The following OR4B1 variants were observed in gnomAD, a reference collection of about 807,000 sequenced individuals.
OR4B1 encodes olfactory receptor 4B1.
For synonymous variants in OR4B1, 196 were observed against 141.2 expected (o/e 1.39, Z -2.75); for missense variants, 520 against 370.7 (o/e 1.40, Z -3.31).
Position 48,217,652 on chromosome 11 carries a change from C to T in OR4B1, c.843C>T (p.Asn281=). The T allele has an allele frequency of 1.2e-6, 2 of 1,609,348 alleles. No individual in the cohort carries two copies. Among genetic ancestry groups the T allele is most frequent in the Non-Finnish European group, 1.7e-6 (2 of 1,179,966 alleles). ...VFYTVITPML[N]PIIYTLRNAE... ...ACACGGTCATCACCCCCATGCTGAA[C>T]CCCATCATTTACACACTCAGGAATG... Residue 281 remains asparagine, a synonymous_variant, in exon 1 of 1, where the codon AAC becomes AAT. Coordinates refer to ENST00000309562, the MANE Select transcript of OR4B1 (RefSeq NM_001005470.1).
chr11:48,217,736 G>T lies in OR4B1; in HGVS notation c.927G>T (p.Glu309Asp). ...LWSKKENPGR[E>D] ...GCAAAAAGGAGAATCCAGGGAGGGA[G>T]TGAAAAAAGAGCTTAGGGATGAAAA... Residue 309 changes from glutamate to aspartate, a missense_variant, in exon 1 of 1, where the codon GAG (glutamate) becomes GAT (aspartate). Glu to Asp is a conservative substitution (Grantham distance 45). Coordinates refer to ENST00000309562, the MANE Select transcript of OR4B1 (RefSeq NM_001005470.1). 6.3e-7 allele frequency: 1 copy of T among 1,582,608 alleles called. No individual in the cohort carries two copies. Among genetic ancestry groups the T allele is most frequent in the Non-Finnish European group, 8.5e-7 (1 of 1,170,008 alleles).
Position 48,217,325 on chromosome 11 carries a change from T to A in OR4B1, c.516T>A (p.Ile172=). 1 of 1,614,206 alleles carries A rather than the reference T, an allele frequency of 6.2e-7. No homozygotes were observed. The highest frequency in any genetic ancestry group is 8.5e-7 in the Non-Finnish European group (1 of 1,180,026). Residue 172 remains isoleucine (I), a synonymous_variant, in exon 1 of 1, where the codon ATT becomes ATA. Coordinates refer to ENST00000309562, the MANE Select transcript of OR4B1 (RefSeq NM_001005470.1). The part of the protein sequence containing the change: ...IQLPFCGPNV[I]DHYFCDLQPL... ...TGCCCTTCTGTGGTCCCAATGTGAT[T>A]GACCACTATTTCTGTGACCTCCAGC...
Position 48,216,868 on chromosome 11 carries a change from C to A in OR4B1, c.59C>A (p.Ala20Asp). ...TTCACTGGCCTTTTCCAGGATCCAG[C>A]TGTGCAGAGTGTATGCTTTGTGGTG... ...LIFTGLFQDP[A>D]VQSVCFVVFL... Residue 20 changes from alanine to aspartate, a missense_variant, in exon 1 of 1, where the codon GCT becomes GAT. Ala to Asp is a moderately radical substitution (Grantham distance 126, BLOSUM62 -2). Coordinates refer to ENST00000309562, the MANE Select transcript of OR4B1 (RefSeq NM_001005470.1). 1 of 1,613,906 alleles carries A rather than the reference C, an allele frequency of 6.2e-7. No individual in the cohort carries two copies. Among genetic ancestry groups the A allele is most frequent in the Non-Finnish European group, 8.5e-7 (1 of 1,179,882 alleles).
In OR4B1 at chr11:48,217,168, G is replaced by A. The variant is rs756452658; in HGVS notation, c.359G>A (p.Cys120Tyr). ...ILLIVVMAYDCYVAICKPLHY... is the reference protein window; with the variant it reads ...ILLIVVMAYDYYVAICKPLHY... ...TTGATTGTGGTGATGGCCTATGATT[G>A]CTACGTGGCCATTTGCAAGCCTCTT... Residue 120 changes from cysteine to tyrosine, a missense_variant, in exon 1 of 1, where the codon TGC (cysteine) becomes TAC (tyrosine). By Grantham distance (194) the Cys-to-Tyr change is radical. Coordinates refer to ENST00000309562, the MANE Select transcript of OR4B1 (RefSeq NM_001005470.1). 3.1e-6 allele frequency: 5 copies of A among 1,613,948 alleles called. No homozygotes were observed. In the African/African-American group the frequency reaches 6.7e-5, roughly 22 times the overall value.
In OR4B1 at chr11:48,217,626, T is replaced by C. The variant is rs571700970; in HGVS notation, c.817T>C (p.Tyr273His). Reference protein sequence around the residue: ...FTEDKLVAVFYTVITPMLNPI... With the variant: ...FTEDKLVAVFHTVITPMLNPI... ...TGAAGATAAACTTGTGGCTGTATTC[T>C]ACACGGTCATCACCCCCATGCTGAA... Residue 273 changes from tyrosine (Y) to histidine (H), a missense_variant, in exon 1 of 1, where the codon TAC becomes CAC. By Grantham distance (83) the Tyr-to-His change is moderately conservative. Transcript: ENST00000309562. 1.9e-6 allele frequency: 3 copies of C among 1,612,710 alleles called. No individual in the cohort carries two copies. The highest frequency in any genetic ancestry group is 1.3e-5 in the African/African-American group (1 of 75,056).
rs750620521 is a variant in OR4B1 at position 48,217,367 on chromosome 11, C to T, written c.558C>T (p.Ala186=). The T allele has an allele frequency of 7.4e-6, 12 of 1,614,012 alleles. No individual in the cohort carries two copies. The highest frequency in any genetic ancestry group is 1.6e-4 in the Middle Eastern group (1 of 6,084). The change falls in exon 1 of 1, where the codon GCC becomes GCT. Residue 186 remains alanine (A), a synonymous_variant. Coordinates refer to ENST00000309562, the MANE Select transcript of OR4B1 (RefSeq NM_001005470.1). Reference sequence around the variant, plus strand: ...ACCTCCAGCCTTTATTCAAGCTTGCCTGCACTGACACCTTCATGGAGGGGG... The same window carrying T: ...ACCTCCAGCCTTTATTCAAGCTTGCTTGCACTGACACCTTCATGGAGGGGG... ...FCDLQPLFKL[A]CTDTFMEGVI...
At position 48,217,637 on chromosome 11, in the gene OR4B1, CA is replaced by C. The variant is rs1858652086; in HGVS notation, c.829del (p.Thr277ProfsTer4). Reference protein sequence around the residue: ...KLVAVFYTVITPMLNPIIYTL... With the variant: ...KLVAVFYTVIXPMLNPIIYTL... Reference sequence around the variant, plus strand: ...TTGTGGCTGTATTCTACACGGTCATCACCCCCATGCTGAACCCCATCATTTA... The same window carrying C: ...TTGTGGCTGTATTCTACACGGTCATCCCCCCATGCTGAACCCCATCATTTA... On this transcript the variant is annotated frameshift_variant, in exon 1 of 1. Transcript: ENST00000309562. LOFTEE classifies it low-confidence loss of function (END_TRUNC). 1 of 1,611,190 alleles carries C rather than the reference CA, an allele frequency of 6.2e-7. No homozygotes were observed. The highest frequency in any genetic ancestry group is 8.5e-7 in the Non-Finnish European group (1 of 1,180,000).
chr11:48,217,258 G>T lies in OR4B1; in HGVS notation c.449G>T (p.Gly150Val). 1.2e-6 allele frequency: 2 copies of T among 1,614,100 alleles called. No homozygotes were observed. The highest frequency in any genetic ancestry group is 2.2e-5 in the South Asian group (2 of 91,080). ...HLLVAGSWLG[G>V]FCHSIIQILV... ...CTGGTGGCTGGTTCCTGGCTGGGGG[G>T]CTTTTGTCACTCCATAATTCAGATT... Residue 150 changes from glycine to valine, a missense_variant, in exon 1 of 1, where the codon GGC becomes GTC. Transcript: ENST00000309562.
In OR4B1 at chr11:48,217,068, AT is replaced by A. The variant is rs752935858; in HGVS notation, c.261del (p.Thr89ProfsTer8). 2.5e-6 allele frequency: 4 copies of A among 1,614,136 alleles called. No individual in the cohort carries two copies. The highest frequency in any genetic ancestry group is 3.4e-6 in the Non-Finnish European group (4 of 1,180,008). ...PKFIIDLLAKIKTISLEGCLT... is the reference protein window; with the variant it reads ...PKFIIDLLAKXKTISLEGCLT... The stretch of plus-strand genomic sequence containing the variant: ...ATTCATCATAGACTTACTTGCCAAG[AT>A]TAAAACCATCTCTCTGGAAGGCTGT... On this transcript the variant is annotated frameshift_variant, in exon 1 of 1. Transcript: ENST00000309562. LOFTEE classifies it low-confidence loss of function (END_TRUNC).
In OR4B1 at chr11:48,217,555, T is replaced by A; in HGVS notation, c.746T>A (p.Phe249Tyr). The part of the protein sequence containing the change: ...ASHITVVILF[F>Y]GPAIFLYMRP... The stretch of plus-strand genomic sequence containing the variant: ...CACATCACAGTGGTCATCTTGTTTT[T>A]TGGACCTGCTATCTTCCTCTACATG... The change falls in exon 1 of 1, where the codon TTT becomes TAT. Residue 249 changes from phenylalanine (F) to tyrosine (Y), a missense_variant. By Grantham distance (22) the Phe-to-Tyr change is conservative. Transcript: ENST00000309562. The A allele has an allele frequency of 6.2e-7, 1 of 1,614,218 alleles. No homozygotes were observed. Among genetic ancestry groups the A allele is most frequent in the Non-Finnish European group, 8.5e-7 (1 of 1,180,038 alleles).
rs756439698 is a variant in OR4B1 at position 48,217,392 on chromosome 11, G to T, written c.583G>T (p.Val195Phe). 69 of 1,614,064 alleles carry T rather than the reference G, an allele frequency of 4.3e-5. No homozygotes were observed. The highest frequency in any genetic ancestry group is 1.6e-4 in the East Asian group (7 of 44,872). The stretch of plus-strand genomic sequence containing the variant: ...CTGCACTGACACCTTCATGGAGGGG[G>T]TTATTGTGTTGGCCAACAGTGGATT... Reference protein sequence around the residue: ...LACTDTFMEGVIVLANSGLFS... With the variant: ...LACTDTFMEGFIVLANSGLFS... Residue 195 changes from valine (V) to phenylalanine (F), a missense_variant, in exon 1 of 1, where the codon GTT (valine) becomes TTT (phenylalanine). By Grantham distance (50) the Val-to-Phe change is conservative (BLOSUM62 -1). Coordinates refer to ENST00000309562, the MANE Select transcript of OR4B1 (RefSeq NM_001005470.1).
Position 48,217,466 on chromosome 11 carries a change from T to A in OR4B1, c.657T>A (p.Ile219=), listed in dbSNP as rs751120264. 7 of 1,614,122 alleles carry A rather than the reference T, an allele frequency of 4.3e-6. No homozygotes were observed. The highest frequency in any genetic ancestry group is 5.9e-6 in the Non-Finnish European group (7 of 1,180,014). ...TCTTGGTGTCCTCTTATATTGTCAT[T>A]CTGGTCAACTTGAGGAACCATTCTG... The part of the protein sequence containing the change: ...FLILVSSYIV[I]LVNLRNHSAE... The change falls in exon 1 of 1, where the codon ATT becomes ATA. Residue 219 remains isoleucine (I), a synonymous_variant. Coordinates refer to ENST00000309562, the MANE Select transcript of OR4B1 (RefSeq NM_001005470.1).
At position 48,217,257 on chromosome 11, in the gene OR4B1, G is replaced by A. The variant is rs765947868; in HGVS notation, c.448G>A (p.Gly150Ser). 2 of 1,614,020 alleles carry A rather than the reference G, an allele frequency of 1.2e-6. No individual in the cohort carries two copies. Among genetic ancestry groups the A allele is most frequent in the South Asian group, 1.1e-5 (1 of 91,080 alleles). The change falls in exon 1 of 1, where the codon GGC becomes AGC. Residue 150 changes from glycine (G) to serine (S), a missense_variant. Coordinates refer to ENST00000309562, the MANE Select transcript of OR4B1 (RefSeq NM_001005470.1). Reference sequence around the variant, plus strand: ...TCTGGTGGCTGGTTCCTGGCTGGGGGGCTTTTGTCACTCCATAATTCAGAT... The same window carrying A: ...TCTGGTGGCTGGTTCCTGGCTGGGGAGCTTTTGTCACTCCATAATTCAGAT... ...HLLVAGSWLG[G>S]FCHSIIQILV...
Position 48,217,666 on chromosome 11 carries a change from C to T in OR4B1, c.857C>T (p.Thr286Ile). 6.2e-7 allele frequency: 1 copy of T among 1,607,684 alleles called. No homozygotes were observed. The highest frequency in any genetic ancestry group is 1.3e-5 in the African/African-American group (1 of 75,020). Residue 286 changes from threonine (T) to isoleucine (I), a missense_variant, in exon 1 of 1, where the codon ACA (threonine) becomes ATA (isoleucine). Coordinates refer to ENST00000309562, the MANE Select transcript of OR4B1 (RefSeq NM_001005470.1). ...ITPMLNPIIY[T>I]LRNAEVKIAI... ...CCCATGCTGAACCCCATCATTTACA[C>T]ACTCAGGAATGCAGAGGTGAAAATC...
At position 48,216,980 on chromosome 11, in the gene OR4B1, G is replaced by C; in HGVS notation, c.171G>C (p.Met57Ile). The C allele has an allele frequency of 3.1e-6, 5 of 1,614,118 alleles. No individual in the cohort carries two copies. The highest frequency in any genetic ancestry group is 4.2e-6 in the Non-Finnish European group (5 of 1,179,990). Reference sequence around the variant, plus strand: ...TCAGCAAGAGTCTGGATTCTCCCATGTACTTCTTCCTTAGCTGCCTGTCCT... The same window carrying C: ...TCAGCAAGAGTCTGGATTCTCCCATCTACTTCTTCCTTAGCTGCCTGTCCT... ...VSISKSLDSP[M>I]YFFLSCLSLV... Residue 57 changes from methionine to isoleucine, a missense_variant, in exon 1 of 1, where the codon ATG (methionine) becomes ATC (isoleucine). Met to Ile is a conservative substitution (Grantham distance 10). Coordinates refer to ENST00000309562, the MANE Select transcript of OR4B1 (RefSeq NM_001005470.1).
Position 48,217,495 on chromosome 11 carries a change from AG to A in OR4B1, c.690del (p.Arg231GlyfsTer50), listed in dbSNP as rs1361405087. 1 of 1,613,966 alleles carries A rather than the reference AG, an allele frequency of 6.2e-7. No homozygotes were observed. The highest frequency in any genetic ancestry group is 1.3e-5 in the African/African-American group (1 of 74,900). Reference protein sequence around the residue: ...ILVNLRNHSAEGRHKALSTCA... With the variant: ...ILVNLRNHSAXGRHKALSTCA... ...GTCAACTTGAGGAACCATTCTGCAG[AG>A]GGGAGGCACAAAGCCCTCTCCACCT... is the stretch of plus-strand genomic sequence containing the variant. On this transcript the variant is annotated frameshift_variant, in exon 1 of 1. Coordinates refer to ENST00000309562, the MANE Select transcript of OR4B1 (RefSeq NM_001005470.1). LOFTEE classifies it low-confidence loss of function (END_TRUNC).
chr11:48,217,159 C>T lies in OR4B1; in HGVS notation c.350C>T (p.Ala117Val). ...VAEILLIVVM[A>V]YDCYVAICKP... ...GAGATCCTTTTGATTGTGGTGATGG[C>T]CTATGATTGCTACGTGGCCATTTGC... is the stretch of plus-strand genomic sequence containing the variant. The change falls in exon 1 of 1, where the codon GCC becomes GTC. Residue 117 changes from alanine to valine, a missense_variant. Coordinates refer to ENST00000309562, the MANE Select transcript of OR4B1 (RefSeq NM_001005470.1). 6.2e-7 allele frequency: 1 copy of T among 1,614,048 alleles called. No homozygotes were observed. The highest frequency in any genetic ancestry group is 8.5e-7 in the Non-Finnish European group (1 of 1,179,974).
Position 48,217,640 on chromosome 11 carries a change from C to A in OR4B1, c.831C>A (p.Thr277=), listed in dbSNP as rs569852069. 3.7e-6 allele frequency: 6 copies of A among 1,610,870 alleles called. No homozygotes were observed. Among genetic ancestry groups the A allele is most frequent in the East Asian group, 2.2e-5 (1 of 44,868 alleles). The change falls in exon 1 of 1, where the codon ACC becomes ACA. Residue 277 remains threonine (T), a synonymous_variant. Coordinates refer to ENST00000309562, the MANE Select transcript of OR4B1 (RefSeq NM_001005470.1). ...TGGCTGTATTCTACACGGTCATCAC[C>A]CCCATGCTGAACCCCATCATTTACA... is the stretch of plus-strand genomic sequence containing the variant. ...KLVAVFYTVI[T]PMLNPIIYTL...
At position 48,217,452 on chromosome 11, in the gene OR4B1, T is replaced by C. The variant is rs757022972; in HGVS notation, c.643T>C (p.Ser215Pro). Residue 215 changes from serine (S) to proline (P), a missense_variant, in exon 1 of 1, where the codon TCT becomes CCT. Ser to Pro is a moderately conservative substitution (Grantham distance 74). Transcript: ENST00000309562. Reference protein sequence around the residue: ...SVFSFLILVSSYIVILVNLRN... With the variant: ...SVFSFLILVSPYIVILVNLRN... Reference sequence around the variant, plus strand: ...CTTCTCCTTCCTCATCTTGGTGTCCTCTTATATTGTCATTCTGGTCAACTT... The same window carrying C: ...CTTCTCCTTCCTCATCTTGGTGTCCCCTTATATTGTCATTCTGGTCAACTT... The C allele has an allele frequency of 5.6e-6, 9 of 1,614,150 alleles. No homozygotes were observed. In the East Asian group the frequency reaches 1.1e-4, roughly 20 times the overall value.
Sources: allele counts gnomAD v4.1 joint callset, GRCh38; gene constraint gnomAD v4.1.1; transcripts MANE v1.5; gene names NCBI Gene and HGNC (gene_info 2026-07-23, HGNC 2026-07-21).